Variants in IQSEC1 observed in about 807,000 individuals in gnomAD.
IQSEC1 encodes the protein IQ motif and SEC7 domain-containing protein 1.
In IQSEC1, 31 loss-of-function variants were observed where a neutral mutation model predicts 91.0. The ratio of observed to expected loss-of-function variants is 0.34; its 90% confidence interval spans 0.26 to 0.46. The LOEUF (loss-of-function observed/expected upper bound fraction) is 0.46, where lower values mean the gene tolerates loss of function less well. Among genes scored for constraint, IQSEC1 ranks in the 20% least tolerant of loss-of-function variants. The pLI, the probability that IQSEC1 is intolerant of heterozygous loss-of-function variation, is 1.00. For missense variants in IQSEC1, 1,388 were observed against 1,575.6 expected (o/e 0.88, Z 2.02); for synonymous variants, 699 against 662.6 (o/e 1.05, Z -0.84).
intron 1 of IQSEC1, among the ~76,000 whole-genome samples, chr3:13,278,381 C>A (rs1695730589): frequency 6.6e-6 from 1 of 152,238 alleles, no homozygotes; most frequent in Non-Finnish European, 1.5e-5. Flanking sequence ...ACACCGTGAG[C>A]CCTGCCTTGG....
At chr3:13,277,438 A>G (rs1490320340) in intron 1 of IQSEC1, among the ~76,000 whole-genome samples, 1 of 152,224 alleles carries the variant, frequency 6.6e-6, no homozygotes, top group East Asian at 1.9e-4. Context: ...CGAGCTGGAT[A>G]AAGAAACATC....
rs1231614174 is a variant in IQSEC1 at position 12,897,659 on chromosome 3, G to A, written c.*3324C>T. 6.6e-6 allele frequency: 1 copy of A among 152,216 alleles called. No individual in the cohort carries two copies. Among genetic ancestry groups the A allele is most frequent in the African/African-American group, 2.4e-5 (1 of 41,448 alleles). 9.4% of individuals were successfully genotyped at this position (152,216 alleles called of 1,614,324 possible). A position where few individuals can be genotyped will look rare whatever the true frequency, so the allele number is the denominator to read the frequency against. ...TACAAATGTACTCGTTTCTCAGGCA[G>A]GAAGGGTGATGATATTTTACAAGGA... is the stretch of plus-strand genomic sequence containing the variant. On this transcript the variant is annotated 3_prime_UTR_variant, in exon 14 of 14. Coordinates refer to ENST00000613206, the MANE Select transcript of IQSEC1 (RefSeq NM_001134382.3).
At position 12,992,335 on chromosome 3, in the gene IQSEC1, C is replaced by T. The variant is rs190669952; in HGVS notation, c.24-50470G>A. On this transcript the variant is annotated intron_variant, in intron 1 of 13. Coordinates refer to ENST00000613206, the MANE Select transcript of IQSEC1 (RefSeq NM_001134382.3). This position sits in a 1 kb window ranked among gnomAD's most constrained non-coding sequence, Gnocchi z 4.1. ...AAGTCACCTCTCAGTTTATCTTTTC[C>T]TGTGGGGGGTGGGGGGTGGGAGGAG... Among the ~76,000 whole-genome samples the T allele has an allele frequency of 7.7e-6, 1 of 130,362 alleles. No homozygotes were observed. The highest frequency in any genetic ancestry group is 1.6e-5 in the Non-Finnish European group (1 of 63,880). 85.5% of individuals were successfully genotyped at this position (130,362 alleles called of 152,430 possible).
chr3:13,025,447 A>T (rs1703576283), intron 1 of IQSEC1, among the ~76,000 whole-genome samples: 1 of 152,190 alleles, frequency 6.6e-6, no homozygotes, highest in African/African-American at 2.4e-5. Flanking sequence ...GCACTTGAGG[A>T]AGGCAGCAGG....
intron 1 of IQSEC1, among the ~76,000 whole-genome samples, chr3:13,237,577 C>A (rs759703552): frequency 2.0e-5 from 3 of 152,300 alleles, no homozygotes; most frequent in East Asian, 1.9e-4. Context: ...TGCTGGGCTG[C>A]GCACTTCCCC....
At chr3:12,952,568 C>A (rs1406093561) in intron 1 of IQSEC1, among the ~76,000 whole-genome samples, 1 of 152,210 alleles carries the variant, frequency 6.6e-6, no homozygotes, top group Admixed American at 6.5e-5. Context: ...AAACACAACC[C>A]TGACCACATT....
intron 1 of IQSEC1, among the ~76,000 whole-genome samples, chr3:13,034,807 C>G (rs1439794170): frequency 6.6e-6 from 1 of 152,226 alleles, no homozygotes; most frequent in Non-Finnish European, 1.5e-5. Flanking sequence ...CTGAATCTCA[C>G]CAGCCCAACA....
At chr3:12,964,206 C>T (rs1485994119) in intron 1 of IQSEC1, among the ~76,000 whole-genome samples, 1 of 152,216 alleles carries the variant, frequency 6.6e-6, no homozygotes, top group East Asian at 1.9e-4. Context: ...CCAATTAATT[C>T]TTCAAGAGCC....
upstream of IQSEC1, among the ~76,000 whole-genome samples, chr3:13,077,647 G>A (rs893523335): frequency 1.3e-5 from 2 of 152,214 alleles, no homozygotes; most frequent in Non-Finnish European, 2.9e-5. Context: ...GCTCGTGCAG[G>A]GCCCTCCTAA....
At chr3:13,169,955 G>A (rs1351721965) in intron 1 of IQSEC1, among the ~76,000 whole-genome samples, 1 of 152,238 alleles carries the variant, frequency 6.6e-6, no homozygotes, top group African/African-American at 2.4e-5. Context: ...GCTGGCTGCA[G>A]AAATTTACAT....
In IQSEC1 at chr3:12,897,514, G is replaced by A. The variant is rs891175110; in HGVS notation, c.*3469C>T. ...AGTCTCGATGTGACTGCACACAGAA[G>A]GGCGATGCAGATGCATCTGAATGGA... On this transcript the variant is annotated 3_prime_UTR_variant, in exon 14 of 14. Coordinates refer to ENST00000613206, the MANE Select transcript of IQSEC1 (RefSeq NM_001134382.3). The A allele has an allele frequency of 6.6e-6, 1 of 152,238 alleles. No homozygotes were observed. Among genetic ancestry groups the A allele is most frequent in the Non-Finnish European group, 1.5e-5 (1 of 68,038 alleles). The allele number at this position is 152,238 out of a possible 1,614,324, so 9.4% of individuals were successfully genotyped here. A position where few individuals can be genotyped will look rare whatever the true frequency, so the allele number is the denominator to read the frequency against.
chr3:13,179,999 C>CTG (rs1297360452), intron 1 of IQSEC1, among the ~76,000 whole-genome samples: 4,966 of 152,284 alleles, frequency 0.033, 265 homozygotes, highest in African/African-American at 0.11. Flanking sequence ...CTCCCCCACC[C>CTG]CCTCTCCGTG....
chr3:12,915,268 G>A (rs1695969015), intron 7 of IQSEC1, 135 bp from the exon 8 acceptor site: 4 of 1,052,696 alleles, frequency 3.8e-6, no homozygotes, highest in Non-Finnish European at 5.6e-6. Flanking sequence ...ACTCTCTCTG[G>A]CAGAGCTCTC....
chr3:12,945,518 C>G (rs540985539), intron 1 of IQSEC1, among the ~76,000 whole-genome samples: 7 of 149,308 alleles, frequency 4.7e-5, no homozygotes, highest in Admixed American at 2.7e-4. Flanking sequence ...ATGTGGCAGC[C>G]CTTCCACACT....
chr3:13,056,964 G>A (rs1275473762), intron 1 of IQSEC1, among the ~76,000 whole-genome samples: 1 of 152,088 alleles, frequency 6.6e-6, no homozygotes, highest in Non-Finnish European at 1.5e-5. Flanking sequence ...ACGCATACAT[G>A]TTCCCCTTGT....
chr3:13,019,361 T>A (rs892961072), intron 1 of IQSEC1, among the ~76,000 whole-genome samples: 1 of 152,166 alleles, frequency 6.6e-6, no homozygotes, highest in African/African-American at 2.4e-5. Context: ...CTTTTCCAGA[T>A]GTGAATGGGA....
chr3:13,119,858 T>C (rs1156609990), intron 2 of IQSEC1, among the ~76,000 whole-genome samples: 2 of 152,064 alleles, frequency 1.3e-5, no homozygotes. Flanking sequence ...CAGGGCAGAA[T>C]GGCATTTCTG....
At chr3:13,269,589 A>C (rs1000200008) in intron 1 of IQSEC1, among the ~76,000 whole-genome samples, 4 of 152,144 alleles carry the variant, frequency 2.6e-5, no homozygotes, top group African/African-American at 7.2e-5. Context: ...CCTCCTGATG[A>C]GCTGCTCTGG....
At chr3:12,933,249 C>T (rs1360818653) in intron 3 of IQSEC1, among the ~76,000 whole-genome samples, 1 of 152,234 alleles carries the variant, frequency 6.6e-6, no homozygotes, top group Non-Finnish European at 1.5e-5. Flanking sequence ...CCACTTCCAG[C>T]CATATGATCT....
Sources: gnomAD v4.1 joint callset for allele counts (sites outside exome capture counted in the v4.1 genomes callset) on GRCh38, gnomAD v4.1.1 for gene constraint, Gnocchi (gnomAD v3.1) non-coding constraint, MANE v1.5 for transcripts, NCBI Gene and HGNC (gene_info 2026-07-23, HGNC 2026-07-21) for gene names.